Variants in PRKG2 observed in about 807,000 individuals in gnomAD.
PRKG2 encodes the protein cGMP-dependent protein kinase 2.
PRKG2 carries 33 observed loss-of-function variants against 97.2 expected under a neutral mutation model. The observed-to-expected ratio is 0.34, with a 90% confidence interval of 0.26 to 0.45. The LOEUF (loss-of-function observed/expected upper bound fraction) is 0.45. Ranked by LOEUF, PRKG2 falls within the 20% of genes least tolerant of loss-of-function variation. The probability of loss-of-function intolerance (pLI) is 1.00; values close to 1 mark genes in which losing one functional copy is unlikely to be tolerated. For synonymous variants in PRKG2, 330 were observed against 321.8 expected, an observed-to-expected ratio of 1.03 and a Z score of -0.27; for missense variants, 638 against 900.0, an observed-to-expected ratio of 0.71 and a Z score of 3.73.
chr4:81,215,381 G>T (rs912530789), upstream of PRKG2, among the ~76,000 whole-genome samples: 1 of 152,238 alleles, frequency 6.6e-6, no homozygotes, highest in Admixed American at 6.5e-5. Flanking sequence ...CGACACAGCC[G>T]CAGTCTGCAC....
intron 6 of PRKG2, among the ~76,000 whole-genome samples, chr4:81,161,410 G>A (rs983867789): frequency 7.2e-5 from 11 of 152,194 alleles, no homozygotes; most frequent in Admixed American, 7.2e-4. Context: ...TGGTGGCTTA[G>A]AGCCACATCC....
chr4:81,122,471 T>C (rs561485134), intron 14 of PRKG2, among the ~76,000 whole-genome samples: 1 of 152,200 alleles, frequency 6.6e-6, no homozygotes, highest in Admixed American at 6.5e-5. Context: ...ACAATCTCAA[T>C]CATGACTAAG....
chr4:81,134,989 T>C (rs1746532600), intron 14 of PRKG2, among the ~76,000 whole-genome samples, 166 bp downstream of exon 14: 1 of 152,124 alleles, frequency 6.6e-6, no homozygotes, highest in Non-Finnish European at 1.5e-5. Context: ...TCAAAAATAA[T>C]GTACTCATAA....
rs117572946 is a variant in PRKG2, at chr4:81,108,819, C to A, written c.1940+1629G>T. 7.9e-5 allele frequency among the ~76,000 whole-genome samples: 12 copies of A among 152,260 alleles called. No individual in the cohort carries two copies. In the East Asian group the frequency reaches 2.1e-3, roughly 27 times the overall value. On this transcript the variant is annotated intron_variant, in intron 15 of 18. Coordinates refer to ENST00000264399, the MANE Select transcript of PRKG2 (RefSeq NM_006259.3). Reference sequence around the variant, plus strand: ...GGCTGAAGCAAGAGGATTGCTTGGGCCCAGAAGGTGGAGGCTGCAGTGACC... The same window carrying A: ...GGCTGAAGCAAGAGGATTGCTTGGGACCAGAAGGTGGAGGCTGCAGTGACC...
At chr4:81,190,074 C>G (rs910105464) in intron 2 of PRKG2, among the ~76,000 whole-genome samples, 2 of 152,100 alleles carry the variant, frequency 1.3e-5, no homozygotes, top group African/African-American at 2.4e-5. Context: ...TTAGAAAAAC[C>G]TACTTTAAAT....
chr4:81,133,857 T>TTA (rs1553922229), intron 14 of PRKG2, among the ~76,000 whole-genome samples: 4 of 151,544 alleles, frequency 2.6e-5, no homozygotes, highest in African/African-American at 9.8e-5. Context: ...TATTTTTTTT[T>TTA]AAAAATAGCT....
At chr4:81,184,150 G>A (rs992653716) in intron 2 of PRKG2, among the ~76,000 whole-genome samples, 2 of 152,186 alleles carry the variant, frequency 1.3e-5, no homozygotes, top group African/African-American at 4.8e-5. Context: ...TCTGCTAAGG[G>A]ACAGACTGCC....
intron 9 of PRKG2, among the ~76,000 whole-genome samples, chr4:81,146,982 A>C (rs1167575477): frequency 6.6e-6 from 1 of 152,102 alleles, no homozygotes; most frequent in East Asian, 1.9e-4. Context: ...GATGTAAGTA[A>C]ACCTAGTTAT....
intron 6 of PRKG2, among the ~76,000 whole-genome samples, chr4:81,159,662 A>AT (rs1749435114): frequency 6.6e-6 from 1 of 152,134 alleles, no homozygotes; most frequent in Non-Finnish European, 1.5e-5. Context: ...ATGCACACGT[A>AT]TGTTTATTGT....
At chr4:81,119,715 C>T (rs1333800484) in intron 14 of PRKG2, among the ~76,000 whole-genome samples, 1 of 151,658 alleles carries the variant, frequency 6.6e-6, no homozygotes, top group Non-Finnish European at 1.5e-5. Flanking sequence ...TGCTCTGTTG[C>T]CCAGGCTGGA....
chr4:81,195,436 G>C (rs569594532), intron 2 of PRKG2, among the ~76,000 whole-genome samples: 2 of 152,108 alleles, frequency 1.3e-5, no homozygotes, highest in East Asian at 3.9e-4. Flanking sequence ...ATTTATAAGT[G>C]AACAGTTTAG....
intron 14 of PRKG2, among the ~76,000 whole-genome samples, chr4:81,120,830 T>C (rs561820173): frequency 2.0e-5 from 3 of 152,190 alleles, no homozygotes; most frequent in Non-Finnish European, 2.9e-5. Flanking sequence ...CAGTGTGATA[T>C]TGAAAAGGAG....
chr4:81,135,110 G>A (rs1746547785), intron 14 of PRKG2, 45 bp downstream of exon 14: 2 of 1,510,852 alleles, frequency 1.3e-6, no homozygotes, highest in Non-Finnish European at 8.9e-7. Flanking sequence ...CTTTTGCCAG[G>A]GGAAATATCT....
Position 81,096,386 on chromosome 4 carries a change from A to C in PRKG2, c.2127-3934T>G, listed in dbSNP as rs187418802. ...ATCTCTACAAAAAAAATGTTAAAAA[A>C]TTATCCAGACATGGTGGCATGCACC... is the stretch of plus-strand genomic sequence containing the variant. On this transcript the variant is annotated intron_variant, in intron 17 of 18. Transcript: ENST00000264399. Among the ~76,000 whole-genome samples the C allele has an allele frequency of 1.2e-4, 19 of 152,168 alleles. No homozygotes were observed. In the East Asian group the frequency reaches 3.7e-3, roughly 29 times the overall value.
rs1218396262 is a variant in PRKG2 at position 81,145,296 on chromosome 4, CA to C, written c.1155-967del. On this transcript the variant is annotated intron_variant, in intron 9 of 18. Transcript: ENST00000264399. ...TTTAGAGAAGATAGTGGGAAGGGAA[CA>C]GCCTTACATGATGTGTTTACTGAAT... 4.6e-5 allele frequency among the ~76,000 whole-genome samples: 7 copies of C among 152,216 alleles called. No individual in the cohort carries two copies. The East Asian group carries it at 1.4e-3, about 29-fold the overall frequency.
intron 1 of PRKG2, among the ~76,000 whole-genome samples, chr4:81,211,420 G>C (rs562222842): frequency 8.0e-4 from 122 of 152,274 alleles, no homozygotes; most frequent in Non-Finnish European, 1.6e-3. Flanking sequence ...GCACAGTCAA[G>C]GGACAGGCTG....
At chr4:81,178,663 G>T (rs1751138611) in intron 2 of PRKG2, among the ~76,000 whole-genome samples, 1 of 151,088 alleles carries the variant, frequency 6.6e-6, no homozygotes, top group Admixed American at 6.6e-5. Context: ...ATTTATAGAA[G>T]ATTGGAGAGA....
chr4:81,207,376 C>T (rs962830303), intron 1 of PRKG2, among the ~76,000 whole-genome samples: 34 of 152,080 alleles, frequency 2.2e-4, no homozygotes, highest in African/African-American at 5.1e-4. Context: ...TAAAAAAGCA[C>T]GCATAAAAAC....
intron 17 of PRKG2, 62 bp from the exon 18 acceptor site, chr4:81,092,514 G>GGAAGGAAGGC (rs1741681271): frequency 3.0e-6 from 1 of 334,274 alleles, no homozygotes; most frequent in Admixed American, 7.2e-5. Flanking sequence ...GGAAGGAAGG[G>GGAAGGAAGGC]AGAAAGAAAG....
Sources: gnomAD v4.1 joint callset for allele counts (sites outside exome capture counted in the v4.1 genomes callset) on GRCh38, gnomAD v4.1.1 for gene constraint, MANE v1.5 for transcripts, NCBI Gene and HGNC (gene_info 2026-07-23, HGNC 2026-07-21) for gene names.